The following LRP1B variants were observed in gnomAD, a reference collection of about 807,000 sequenced individuals.
The protein encoded by LRP1B is low-density lipoprotein receptor-related protein 1B.
LRP1B carries 217 observed loss-of-function variants against 556.6 expected under a neutral mutation model. The ratio of observed to expected loss-of-function variants is 0.39; its 90% confidence interval spans 0.35 to 0.44. LRP1B has a LOEUF of 0.44. LRP1B is among the 20% of genes least tolerant of loss of function. LRP1B has a pLI of 1.00. For missense variants in LRP1B, 5,053 were observed against 5,620.8 expected, an observed-to-expected ratio of 0.90 and a Z score of 3.23; for synonymous variants, 2,047 against 1,865.8, an observed-to-expected ratio of 1.10 and a Z score of -2.50.
At chr2:141,160,371 T>C (rs1187907988) in intron 7 of LRP1B, among the ~76,000 whole-genome samples, 1 of 152,108 alleles carries the variant, frequency 6.6e-6, no homozygotes, top group East Asian at 1.9e-4. Context: ...TAAACATGAA[T>C]TTACCATAGT....
intron 3 of LRP1B, among the ~76,000 whole-genome samples, chr2:141,360,431 A>G (rs186275098): frequency 2.1e-4 from 32 of 152,358 alleles, no homozygotes; most frequent in Admixed American, 1.3e-4. Flanking sequence ...ATAAACATGT[A>G]CCTATGAAAA....
At chr2:141,656,823 G>T (rs1287725424) in intron 2 of LRP1B, among the ~76,000 whole-genome samples, 1 of 151,922 alleles carries the variant, frequency 6.6e-6, no homozygotes, top group Non-Finnish European at 1.5e-5. Context: ...GCATGTGTCT[G>T]GCCCTATGTT....
intron 84 of LRP1B, among the ~76,000 whole-genome samples, chr2:140,288,556 G>T (rs1683252247): frequency 6.6e-6 from 1 of 151,792 alleles, no homozygotes; most frequent in Non-Finnish European, 1.5e-5. Context: ...TTTGAGGCAA[G>T]CCTCAAATAA....
Position 140,280,555 on chromosome 2 carries a change from G to A in LRP1B, c.12968-5957C>T, listed in dbSNP as rs1682873531. On this transcript the variant is annotated intron_variant, in intron 84 of 90. Coordinates refer to ENST00000389484, the MANE Select transcript of LRP1B (RefSeq NM_018557.3). ...GCTGTGGACATGTATGTGCCTTATT[G>A]TATACTAGGAACCCTGGAAAGAGCT... Among the ~76,000 whole-genome samples, 4 of 151,692 alleles carry A rather than the reference G, an allele frequency of 2.6e-5. No individual in the cohort carries two copies. The South Asian group carries it at 8.3e-4, about 31-fold the overall frequency.
chr2:140,372,226 C>T (rs183631327), intron 69 of LRP1B, among the ~76,000 whole-genome samples: 16 of 152,066 alleles, frequency 1.1e-4, no homozygotes, highest in African/African-American at 3.9e-4. Context: ...CAGTGTTTGT[C>T]TAGGGATCTG....
intron 86 of LRP1B, among the ~76,000 whole-genome samples, chr2:140,257,576 TC>T (rs1681752447): frequency 6.6e-6 from 1 of 152,116 alleles, no homozygotes. Context: ...TTCCTTTTGT[TC>T]CCCGTGGCAT....
At chr2:141,650,359 G>A (rs1320090740) in intron 2 of LRP1B, among the ~76,000 whole-genome samples, 2 of 152,146 alleles carry the variant, frequency 1.3e-5, no homozygotes, top group Non-Finnish European at 2.9e-5. Flanking sequence ...ATGGAGTGGA[G>A]GGGAAGGAGA....
chr2:140,673,890 A>T (rs1204702851), intron 41 of LRP1B, among the ~76,000 whole-genome samples: 1 of 151,798 alleles, frequency 6.6e-6, no homozygotes, highest in Admixed American at 6.6e-5. Context: ...GCAATAACAT[A>T]CCAACTCCAA....
chr2:141,787,255 A>C lies in LRP1B; in HGVS notation c.205+23024T>G, dbSNP rs1011156001. Among the ~76,000 whole-genome samples the C allele has an allele frequency of 1.1e-4, 16 of 152,074 alleles. No homozygotes were observed. The South Asian group carries it at 2.9e-3, about 28-fold the overall frequency. ...ACTCCTAGAAGTTCAATCAAGAGAA[A>C]AGCAAACTTATGTTAACACAAAATC... is the stretch of plus-strand genomic sequence containing the variant. On this transcript the variant is annotated intron_variant, in intron 2 of 90. Coordinates refer to ENST00000389484, the MANE Select transcript of LRP1B (RefSeq NM_018557.3).
intron 60 of LRP1B, among the ~76,000 whole-genome samples, chr2:140,460,465 T>C (rs1432035343): frequency 6.6e-6 from 1 of 152,196 alleles, no homozygotes; most frequent in Non-Finnish European, 1.5e-5. Flanking sequence ...TCGTTAAATT[T>C]AGGGGAAAAG....
At chr2:140,854,946 C>G (rs576162854) in intron 27 of LRP1B, among the ~76,000 whole-genome samples, 121 of 152,234 alleles carry the variant, frequency 7.9e-4, no homozygotes, top group African/African-American at 2.8e-3. Flanking sequence ...CAATGGAGTG[C>G]TATAATAAAT....
chr2:140,449,080 T>C (rs1274588600), intron 63 of LRP1B, among the ~76,000 whole-genome samples: 1 of 152,046 alleles, frequency 6.6e-6, no homozygotes, highest in Non-Finnish European at 1.5e-5. Context: ...CACATCAATA[T>C]GGTTCCAGGA....
chr2:141,297,962 A>G (rs1686246021), intron 3 of LRP1B, among the ~76,000 whole-genome samples: 1 of 152,228 alleles, frequency 6.6e-6, no homozygotes, highest in Admixed American at 6.5e-5. Context: ...CTGTGTAAGT[A>G]CACTCTGTAA....
chr2:140,267,926 G>C (rs963603856), intron 86 of LRP1B, among the ~76,000 whole-genome samples: 1 of 141,918 alleles, frequency 7.0e-6, no homozygotes, highest in Non-Finnish European at 1.6e-5. Context: ...GATGATACTT[G>C]GTAAGAGCAA....
intron 3 of LRP1B, among the ~76,000 whole-genome samples, chr2:141,315,882 CTTTTTTTTTTTT>C (rs70991157): frequency 5.5e-4 from 10 of 18,142 alleles, no homozygotes; most frequent in African/African-American, 1.9e-3. Context: ...TTAGTCTGGT[CTTTTTTTTTTTT>C]TTTTTTTTTT....
At chr2:141,597,979 C>T (rs1016574958) in intron 2 of LRP1B, among the ~76,000 whole-genome samples, 1 of 151,988 alleles carries the variant, frequency 6.6e-6, no homozygotes, top group Admixed American at 6.6e-5. Flanking sequence ...CAGTATTATG[C>T]CCAAAAGAAA....
intron 37 of LRP1B, among the ~76,000 whole-genome samples, chr2:140,710,878 A>G (rs965545374): frequency 2.0e-5 from 3 of 152,042 alleles, no homozygotes; most frequent in African/African-American, 7.2e-5. Context: ...TGATGAGACA[A>G]TGGATATAGA....
intron 1 of LRP1B, among the ~76,000 whole-genome samples, chr2:141,922,667 T>C (rs1365016246): frequency 6.6e-6 from 1 of 151,974 alleles, no homozygotes; most frequent in African/African-American, 2.4e-5. Context: ...AATTGAGGAG[T>C]TCCAGGTGTT....
intron 41 of LRP1B, among the ~76,000 whole-genome samples, chr2:140,613,400 A>ATTATATACATATAAATATATAT (rs1381358626): frequency 3.6e-5 from 3 of 84,378 alleles, no homozygotes; most frequent in Non-Finnish European, 8.0e-5. Flanking sequence ...TATAAATATA[A>ATTATATACATATAAATATATAT]ATAATTATAT....
Sources: gnomAD v4.1 joint callset for allele counts (sites outside exome capture counted in the v4.1 genomes callset) on GRCh38, gnomAD v4.1.1 for gene constraint, MANE v1.5 for transcripts, NCBI Gene and HGNC (gene_info 2026-07-23, HGNC 2026-07-21) for gene names.